CRACD: variants seen among roughly 807,000 people sequenced by gnomAD.
CRACD encodes capping protein inhibiting regulator of actin dynamics.
A neutral mutation model predicts 106.8 loss-of-function variants in CRACD; 56 were observed. That is an observed-to-expected ratio of 0.52 (90% CI 0.42 to 0.66). CRACD has a LOEUF of 0.66. CRACD is among the 30% of genes least tolerant of loss of function. The pLI, the probability that CRACD is intolerant of heterozygous loss-of-function variation, is 0.00. For missense variants in CRACD, 1,730 were observed against 1,623.2 expected, an observed-to-expected ratio of 1.07 and a Z score of -1.13; for synonymous variants, 754 against 670.8, an observed-to-expected ratio of 1.12 and a Z score of -1.92.
Position 56,094,503 on chromosome 4 carries a change from A to G in CRACD, c.-336+45204A>G, listed in dbSNP as rs188285692. 4.8e-4 allele frequency among the ~76,000 whole-genome samples: 68 copies of G among 140,770 alleles called. No individual in the cohort carries two copies. The East Asian group carries it at 0.014, about 28-fold the overall frequency. The allele number at this position is 140,770 out of a possible 152,430, so 92.4% of individuals were successfully genotyped here. A position where few individuals can be genotyped will look rare whatever the true frequency, so the allele number is the denominator to read the frequency against. Reference sequence around the variant, plus strand: ...GAGTGCAGTGGTGGGATCTCGGCTCACTGAAACCTCCATCTCTTGGGTTCA... The same window carrying G: ...GAGTGCAGTGGTGGGATCTCGGCTCGCTGAAACCTCCATCTCTTGGGTTCA... On this transcript the variant is annotated intron_variant, in intron 1 of 10. Transcript: ENST00000682029.
At chr4:56,085,077 G>A (rs7661471) in intron 1 of CRACD, among the ~76,000 whole-genome samples, 56,397 of 151,884 alleles carry the variant, frequency 0.37, 12,204 homozygotes, top group African/African-American at 0.61. Context: ...GAAGGGTGGA[G>A]TATGGGCGTT....
intron 2 of CRACD, among the ~76,000 whole-genome samples, chr4:56,253,216 G>A (rs1414815566): frequency 6.6e-6 from 1 of 152,094 alleles, no homozygotes; most frequent in African/African-American, 2.4e-5. Flanking sequence ...CATTTATTTT[G>A]CAAAATAAGC....
At position 56,315,722 on chromosome 4, in the gene CRACD, G is replaced by A. The variant is rs1394964506; in HGVS notation, c.2220G>A (p.Thr740=). Residue 740 remains threonine (T), a synonymous_variant, in exon 8 of 11, where the codon ACG becomes ACA. Coordinates refer to ENST00000682029, the MANE Select transcript of CRACD (RefSeq NM_001393381.1). This position sits in a 1 kb window ranked among gnomAD's most constrained non-coding sequence, Gnocchi z 4.1. ...DGGTETSKQS[T]EAESIRKRPM... ...GCACGGAGACCTCCAAACAGAGCAC[G>A]GAAGCTGAAAGCATACGAAAAAGAC... 5.0e-6 allele frequency: 8 copies of A among 1,614,226 alleles called. No individual in the cohort carries two copies. The highest frequency in any genetic ancestry group is 2.2e-5 in the East Asian group (1 of 44,870).
chr4:56,125,009 A>G (rs556969834), intron 1 of CRACD, among the ~76,000 whole-genome samples: 1 of 152,218 alleles, frequency 6.6e-6, no homozygotes, highest in Admixed American at 6.5e-5. Context: ...ACAGGTGTTC[A>G]AAAAATTAAT....
intron 1 of CRACD, among the ~76,000 whole-genome samples, chr4:56,060,678 T>G (rs921519879): frequency 6.6e-6 from 1 of 152,134 alleles, no homozygotes; most frequent in African/African-American, 2.4e-5. Context: ...TGAATGTTTT[T>G]GTCTCCCCAA....
intron 5 of CRACD, 103 bp downstream of exon 5, chr4:56,307,802 C>A (rs1044947575): frequency 1.0e-5 from 12 of 1,194,710 alleles, no homozygotes; most frequent in African/African-American, 1.5e-5. Context: ...GAGGGAGGAG[C>A]TTTTCTCATG....
intron 1 of CRACD, among the ~76,000 whole-genome samples, chr4:56,096,135 T>C (rs774365707): frequency 2.3e-4 from 35 of 152,032 alleles, no homozygotes; most frequent in Non-Finnish European, 2.2e-4. Flanking sequence ...AGTAGAGATG[T>C]AGAAAAGGCA....
Position 56,328,653 on chromosome 4 carries a change from C to T in CRACD, c.*849C>T, listed in dbSNP as rs1746622530. ...CCTCCTAGGGCCTACTCAATCAGAG[C>T]CTGTGGGGACTGGGCCAGGAATATG... On this transcript the variant is annotated 3_prime_UTR_variant, in exon 11 of 11. Transcript: ENST00000682029. 1 of 246,474 alleles carries T rather than the reference C, an allele frequency of 4.1e-6. No homozygotes were observed. Among genetic ancestry groups the T allele is most frequent in the African/African-American group, 2.3e-5 (1 of 43,892 alleles). The allele number at this position is 246,474 out of a possible 1,614,324, so 15.3% of individuals were successfully genotyped here.
rs759331983 is a variant in CRACD, at chr4:56,314,296, G to A, written c.794G>A (p.Arg265Lys). The A allele has an allele frequency of 9.7e-5, 151 of 1,555,214 alleles. No individual in the cohort carries two copies. Among genetic ancestry groups the A allele is most frequent in the Non-Finnish European group, 1.2e-4 (142 of 1,148,928 alleles). The change falls in exon 8 of 11, where the codon AGA (arginine) becomes AAA (lysine). Residue 265 changes from arginine (R) to lysine (K), a missense_variant. Coordinates refer to ENST00000682029, the MANE Select transcript of CRACD (RefSeq NM_001393381.1). The surrounding 1 kb of genome is among the most constrained non-coding windows in gnomAD (Gnocchi z 4.4). ...ALERRLWEEN[R>K]RQELLEEEGE... ...GAGAGGAGGCTTTGGGAAGAGAACA[G>A]AAGGCAGGAGCTCTTGGAGGAGGAG...
chr4:56,081,287 T>A (rs1010933691), intron 1 of CRACD, among the ~76,000 whole-genome samples: 2 of 152,190 alleles, frequency 1.3e-5, no homozygotes, highest in African/African-American at 2.4e-5. Flanking sequence ...CGGGCAGCTG[T>A]ACCATATGAC....
In CRACD at chr4:56,314,830, A is replaced by C; in HGVS notation, c.1328A>C (p.Glu443Ala). ...QERLKPEGQR[E>A]HSEEPGICEE... The stretch of plus-strand genomic sequence containing the variant: ...CGCCTGAAACCCGAAGGACAAAGAG[A>C]ACACTCCGAGGAGCCAGGTATTTGC... Residue 443 changes from glutamate (E) to alanine (A), a missense_variant, in exon 8 of 11, where the codon GAA becomes GCA. By Grantham distance (107) the Glu-to-Ala change is moderately radical (BLOSUM62 -1). Coordinates refer to ENST00000682029, the MANE Select transcript of CRACD (RefSeq NM_001393381.1). The surrounding 1 kb of genome is among the most constrained non-coding windows in gnomAD (Gnocchi z 4.4). 6.2e-7 allele frequency: 1 copy of C among 1,610,948 alleles called. No individual in the cohort carries two copies. Among genetic ancestry groups the C allele is most frequent in the Non-Finnish European group, 8.5e-7 (1 of 1,179,180 alleles).
chr4:56,104,288 G>A (rs1733873232), intron 1 of CRACD, among the ~76,000 whole-genome samples: 1 of 152,126 alleles, frequency 6.6e-6, no homozygotes, highest in Admixed American at 6.5e-5. Context: ...CAGCTGTTTG[G>A]TGGGTGGAGG....
chr4:56,325,543 C>G (rs770946879), intron 10 of CRACD, among the ~76,000 whole-genome samples: 9 of 152,284 alleles, frequency 5.9e-5, no homozygotes, highest in African/African-American at 9.6e-5. Context: ...TAAAGTTTCT[C>G]AGCACAGTGT....
At chr4:56,093,960 A>T (rs1733509477) in intron 1 of CRACD, among the ~76,000 whole-genome samples, 1 of 152,208 alleles carries the variant, frequency 6.6e-6, no homozygotes, top group Non-Finnish European at 1.5e-5. Context: ...AATTGGCTTG[A>T]ATAAGGAAAA....
intron 1 of CRACD, chr4:56,170,087 T>G (rs1736302362): frequency 6.5e-6 from 1 of 152,906 alleles, no homozygotes; most frequent in Non-Finnish European, 1.5e-5. Flanking sequence ...CCCTCCTTTT[T>G]CCTTCCTCCT....
intron 1 of CRACD, among the ~76,000 whole-genome samples, chr4:56,133,674 A>G (rs1734897409): frequency 6.6e-6 from 1 of 152,228 alleles, no homozygotes; most frequent in Non-Finnish European, 1.5e-5. Context: ...TACAAGGACA[A>G]TTCAGATTAA....
intron 1 of CRACD, among the ~76,000 whole-genome samples, chr4:56,053,200 A>G (rs1442905919): frequency 1.3e-5 from 2 of 152,218 alleles, no homozygotes; most frequent in Admixed American, 6.5e-5. Context: ...CTTACAAGCT[A>G]CAAAAGAGTA....
intron 3 of CRACD, among the ~76,000 whole-genome samples, chr4:56,274,512 T>C (rs952296359): frequency 7.2e-5 from 11 of 152,220 alleles, no homozygotes; most frequent in African/African-American, 2.7e-4. Context: ...TTAAGTCTTA[T>C]ATTCTGTTAA....
chr4:56,101,335 C>A (rs1733770159), intron 1 of CRACD, among the ~76,000 whole-genome samples: 1 of 152,088 alleles, frequency 6.6e-6, no homozygotes, highest in South Asian at 2.1e-4. Context: ...GTGTATCCCC[C>A]ACCTACTTTA....
Sources: gnomAD v4.1 joint callset for allele counts (sites outside exome capture counted in the v4.1 genomes callset) on GRCh38, gnomAD v4.1.1 for gene constraint, Gnocchi (gnomAD v3.1) non-coding constraint, MANE v1.5 for transcripts, NCBI Gene and HGNC (gene_info 2026-07-23, HGNC 2026-07-21) for gene names.